Variants in LRRC8E observed in about 807,000 individuals in gnomAD.
The protein encoded by LRRC8E is leucine rich repeat containing 8 VRAC subunit E.
In LRRC8E, 6 loss-of-function variants were observed where a neutral mutation model predicts 6.1. The ratio of observed to expected loss-of-function variants is 0.98; its 90% confidence interval spans 0.54 to 1.93. LRRC8E has a LOEUF of 1.93. Ranked by LOEUF, LRRC8E falls within the 30% of genes most tolerant of loss-of-function variation. The pLI, the probability that LRRC8E is intolerant of heterozygous loss-of-function variation, is 0.01. For synonymous variants in LRRC8E, 485 were observed against 472.8 expected (o/e 1.03, Z -0.33); for missense variants, 1,028 against 1,031.4 (o/e 1.00, Z 0.04).
In LRRC8E at chr19:7,900,668, G is replaced by A. The variant is rs143929569; in HGVS notation, c.2146G>A (p.Glu716Lys). Residue 716 changes from glutamate to lysine, a missense_variant, in exon 3 of 3, where the codon GAA (glutamate) becomes AAA (lysine). Coordinates refer to ENST00000306708, the MANE Select transcript of LRRC8E (RefSeq NM_025061.6). The surrounding 1 kb of genome is among the most constrained non-coding windows in gnomAD (Gnocchi z 5.0). ...LSYNALEALP[E>K]ELFFCRKLRT... ...CTACAATGCCCTGGAGGCCCTGCCC[G>A]AAGAGCTCTTCTTCTGCCGCAAGCT... 1.1e-3 allele frequency: 1,815 copies of A among 1,613,422 alleles called. 27 individuals carry two copies. Among genetic ancestry groups the A allele is most frequent in the Non-Finnish European group, 1.2e-4 (144 of 1,180,034 alleles).
chr19:7,897,819 G>A (rs1436183068), intron 2 of LRRC8E, among the ~76,000 whole-genome samples: 1 of 152,012 alleles, frequency 6.6e-6, no homozygotes, highest in Non-Finnish European at 1.5e-5. Flanking sequence ...GGAGCCGCCT[G>A]ACCCAGCTCA....
Position 7,895,660 on chromosome 19 carries a change from G to A in LRRC8E, c.57G>A (p.Val19=), listed in dbSNP as rs143317661. The A allele has an allele frequency of 5.9e-4, 945 of 1,614,032 alleles. 1 individual carries two copies. The highest frequency in any genetic ancestry group is 7.8e-4 in the Non-Finnish European group (918 of 1,179,990). Residue 19 remains valine (V), a synonymous_variant, in exon 2 of 3, where the codon GTG becomes GTA. Transcript: ENST00000306708. The surrounding 1 kb of genome is among the most constrained non-coding windows in gnomAD (Gnocchi z 4.7). The stretch of plus-strand genomic sequence containing the variant: ...CGGAACAGCAGCCTGCGTTCAAGGT[G>A]CTCAAACCCTGGTGGGACGTGCTGG... ...QFTEQQPAFK[V]LKPWWDVLAE... is the part of the protein sequence containing the mutation.
intron 1 of LRRC8E, among the ~76,000 whole-genome samples, chr19:7,892,174 G>A (rs975176204): frequency 4.6e-5 from 7 of 151,756 alleles, no homozygotes; most frequent in East Asian, 1.9e-4. Flanking sequence ...CCAGGTTCAC[G>A]CCATTCTCCT....
intron 1 of LRRC8E, among the ~76,000 whole-genome samples, chr19:7,889,190 G>A (rs975000947): frequency 1.3e-5 from 2 of 152,170 alleles, no homozygotes; most frequent in East Asian, 1.9e-4. Flanking sequence ...CGTGCCTTAC[G>A]TCTATAATCC....
Position 7,899,381 on chromosome 19 carries a change from A to G in LRRC8E, c.859A>G (p.Arg287Gly). The change falls in exon 3 of 3, where the codon AGG becomes GGG. Residue 287 changes from arginine (R) to glycine (G), a missense_variant. Physicochemically the swap from Arg to Gly is moderately radical, Grantham distance 125. Transcript: ENST00000306708. ...GAAGATCAGTTTCCTGGTGGCCTGT[A>G]GGGTGGAGACGTCAGAGGTCACGGG... is the stretch of plus-strand genomic sequence containing the variant. ...VEKISFLVAC[R>G]VETSEVTGYA... is the part of the protein sequence containing the mutation. 1 of 1,614,154 alleles carries G rather than the reference A, an allele frequency of 6.2e-7. No individual in the cohort carries two copies. Among genetic ancestry groups the G allele is most frequent in the Non-Finnish European group, 8.5e-7 (1 of 1,180,018 alleles).
rs781106170 is a variant in LRRC8E at position 7,899,391 on chromosome 19, C to T, written c.869C>T (p.Thr290Met). 52 of 1,614,182 alleles carry T rather than the reference C, an allele frequency of 3.2e-5. No individual in the cohort carries two copies. In the African/African-American group the frequency reaches 3.9e-4, roughly 12 times the overall value. ...ISFLVACRVETSEVTGYASFC... is the reference protein window; with the variant it reads ...ISFLVACRVEMSEVTGYASFC... The stretch of plus-strand genomic sequence containing the variant: ...TTCCTGGTGGCCTGTAGGGTGGAGA[C>T]GTCAGAGGTCACGGGCTACGCCAGC... The change falls in exon 3 of 3, where the codon ACG (threonine) becomes ATG (methionine). Residue 290 changes from threonine (T) to methionine (M), a missense_variant. Coordinates refer to ENST00000306708, the MANE Select transcript of LRRC8E (RefSeq NM_025061.6).
At chr19:7,889,214 G>A (rs1286004917) in intron 1 of LRRC8E, among the ~76,000 whole-genome samples, 1 of 152,096 alleles carries the variant, frequency 6.6e-6, no homozygotes, top group South Asian at 2.1e-4. Flanking sequence ...CACTTTGGGA[G>A]GCCGAGGTGG....
In LRRC8E at chr19:7,895,262, C is replaced by A. The variant is rs138041635; in HGVS notation, c.-5-337C>A. Reference sequence around the variant, plus strand: ...TGGTGTCAGGGGTGGGAGAGGGATGCCTCGTTTTGGGGAGGGGGCCACCCG... The same window carrying A: ...TGGTGTCAGGGGTGGGAGAGGGATGACTCGTTTTGGGGAGGGGGCCACCCG... On this transcript the variant is annotated intron_variant, in intron 1 of 2. Coordinates refer to ENST00000306708, the MANE Select transcript of LRRC8E (RefSeq NM_025061.6). The surrounding 1 kb of genome is among the most constrained non-coding windows in gnomAD (Gnocchi z 4.7). 4.2e-6 allele frequency: 1 copy of A among 237,030 alleles called. No individual in the cohort carries two copies. Among genetic ancestry groups the A allele is most frequent in the Non-Finnish European group, 8.5e-6 (1 of 117,568 alleles). 14.7% of individuals were successfully genotyped at this position (237,030 alleles called of 1,614,324 possible). A position where few individuals can be genotyped will look rare whatever the true frequency, so the allele number is the denominator to read the frequency against.
At position 7,899,874 on chromosome 19, in the gene LRRC8E, C is replaced by A. The variant is rs1307194962; in HGVS notation, c.1352C>A (p.Thr451Asn). Residue 451 changes from threonine to asparagine, a missense_variant, in exon 3 of 3, where the codon ACC (threonine) becomes AAC (asparagine). Coordinates refer to ENST00000306708, the MANE Select transcript of LRRC8E (RefSeq NM_025061.6). ...AGGCTGGAGGCCATCTGCGATATCA[C>A]CTTCCCCCCGGGGCTGTCACAGCTG... ...SLRLEAICDI[T>N]FPPGLSQLVH... The A allele has an allele frequency of 5.0e-6, 8 of 1,606,724 alleles. No homozygotes were observed. Among genetic ancestry groups the A allele is most frequent in the Non-Finnish European group, 6.8e-6 (8 of 1,179,976 alleles).
rs199573072 is a variant in LRRC8E, at chr19:7,899,151, C to G, written c.629C>G (p.Pro210Arg). ...EGEKEKVLAE[P>R]EKVVTEPPVV... is the part of the protein sequence containing the mutation. ...GAGAAGGAGAAAGTGCTGGCGGAAC[C>G]GGAGAAGGTGGTGACCGAGCCTCCA... The change falls in exon 3 of 3, where the codon CCG becomes CGG. Residue 210 changes from proline to arginine, a missense_variant. By Grantham distance (103) the Pro-to-Arg change is moderately radical. Coordinates refer to ENST00000306708, the MANE Select transcript of LRRC8E (RefSeq NM_025061.6). 2.5e-6 allele frequency: 4 copies of G among 1,613,664 alleles called. No homozygotes were observed. The Admixed American group carries it at 6.7e-5, about 27-fold the overall frequency.
Position 7,899,410 on chromosome 19 carries a change from C to T in LRRC8E, c.888C>T (p.Tyr296=), listed in dbSNP as rs534606551. Residue 296 remains tyrosine (Y), a synonymous_variant, in exon 3 of 3, where the codon TAC becomes TAT. Coordinates refer to ENST00000306708, the MANE Select transcript of LRRC8E (RefSeq NM_025061.6). Reference sequence around the variant, plus strand: ...TGGAGACGTCAGAGGTCACGGGCTACGCCAGCTTCTGCTGCAACCACACCA... The same window carrying T: ...TGGAGACGTCAGAGGTCACGGGCTATGCCAGCTTCTGCTGCAACCACACCA... The part of the protein sequence containing the change: ...CRVETSEVTG[Y]ASFCCNHTKA... 119 of 1,614,188 alleles carry T rather than the reference C, an allele frequency of 7.4e-5. No individual in the cohort carries two copies. In the South Asian group the frequency reaches 1.2e-3, roughly 16 times the overall value.
chr19:7,899,296 G>A lies in LRRC8E; in HGVS notation c.774G>A (p.Gln258=), dbSNP rs2145112363. Residue 258 remains glutamine (Q), a synonymous_variant, in exon 3 of 3, where the codon CAG becomes CAA. Transcript: ENST00000306708. ...TCCTGTACACCATGTACATCCGACA[G>A]ACGGTGCTGAAAGTGTGTAAGTTCC... The part of the protein sequence containing the change: ...GDILYTMYIR[Q]TVLKVCKFLA... The A allele has an allele frequency of 3.1e-6, 5 of 1,614,250 alleles. No homozygotes were observed. The highest frequency in any genetic ancestry group is 4.5e-5 in the East Asian group (2 of 44,894).
At chr19:7,896,697 G>A (rs975414508) in intron 2 of LRRC8E, among the ~76,000 whole-genome samples, 1 of 152,142 alleles carries the variant, frequency 6.6e-6, no homozygotes, top group African/African-American at 2.4e-5. Context: ...GGACTCAAGT[G>A]ATCTTCCCGC....
At chr19:7,889,902 A>G (rs978468499) in intron 1 of LRRC8E, among the ~76,000 whole-genome samples, 1 of 151,862 alleles carries the variant, frequency 6.6e-6, no homozygotes, top group South Asian at 2.1e-4. Flanking sequence ...AGCATGTGGC[A>G]CCATACCCAG....
chr19:7,899,450 T>C lies in LRRC8E; in HGVS notation c.928T>C (p.Ser310Pro). 1 of 1,614,120 alleles carries C rather than the reference T, an allele frequency of 6.2e-7. No homozygotes were observed. Among genetic ancestry groups the C allele is most frequent in the South Asian group, 1.1e-5 (1 of 91,078 alleles). The change falls in exon 3 of 3, where the codon TCC (serine) becomes CCC (proline). Residue 310 changes from serine to proline, a missense_variant. By Grantham distance (74) the Ser-to-Pro change is moderately conservative. Coordinates refer to ENST00000306708, the MANE Select transcript of LRRC8E (RefSeq NM_025061.6). Reference protein sequence around the residue: ...CCNHTKAHLFSKLAFCYISFV... With the variant: ...CCNHTKAHLFPKLAFCYISFV... ...CAACCACACCAAGGCCCACCTCTTC[T>C]CCAAGCTGGCCTTCTGTTACATCTC...
In LRRC8E at chr19:7,898,744, T is replaced by G. The variant is rs1460729260; in HGVS notation, c.222T>G (p.Pro74=). The change falls in exon 3 of 3, where the codon CCT becomes CCG. Residue 74 remains proline (P), a synonymous_variant. Coordinates refer to ENST00000306708, the MANE Select transcript of LRRC8E (RefSeq NM_025061.6). Reference sequence around the variant, plus strand: ...AGGCCCCGTGCCAGCAATTGCTGCCTCGGGGGATCCCTGAGCAGATTGGGG... The same window carrying G: ...AGGCCCCGTGCCAGCAATTGCTGCCGCGGGGGATCCCTGAGCAGATTGGGG... ...LSEAPCQQLL[P]RGIPEQIGAL... is the part of the protein sequence containing the mutation. The G allele has an allele frequency of 6.2e-7, 1 of 1,613,944 alleles. No homozygotes were observed. The highest frequency in any genetic ancestry group is 8.5e-7 in the Non-Finnish European group (1 of 1,180,012).
rs745904560 is a variant in LRRC8E at position 7,895,573 on chromosome 19, ACCC to A, written c.-5-22_-5-20del. The A allele has an allele frequency of 1.2e-6, 2 of 1,601,288 alleles. No individual in the cohort carries two copies. Among genetic ancestry groups the A allele is most frequent in the African/African-American group, 2.7e-5 (2 of 74,376 alleles). ...TCCCATCCTGAGGGTCTCTCTCTAC[ACCC>A]CCCGTCTCGTCCCGTCCCACAGGCA... On this transcript the variant is annotated intron_variant, in intron 1 of 2. Transcript: ENST00000306708. The surrounding 1 kb of genome is among the most constrained non-coding windows in gnomAD (Gnocchi z 4.7).
chr19:7,890,247 G>A (rs1473529289), intron 1 of LRRC8E, among the ~76,000 whole-genome samples: 2 of 152,162 alleles, frequency 1.3e-5, no homozygotes, highest in Non-Finnish European at 2.9e-5. Context: ...AGGAGGACCT[G>A]GGAGGGAGGA....
rs1398280411 is a variant in LRRC8E, at chr19:7,895,737, T to G, written c.134T>G (p.Leu45Arg). Residue 45 changes from leucine to arginine, a missense_variant, in exon 2 of 3, where the codon CTC becomes CGC. Physicochemically the swap from Leu to Arg is moderately radical, Grantham distance 102 (BLOSUM62 -2). Transcript: ENST00000306708. The surrounding 1 kb of genome is among the most constrained non-coding windows in gnomAD (Gnocchi z 4.7). ...MLMIGVFGCT[L>R]QVTQDKIICL... ...ATGATTGGGGTCTTTGGCTGCACCC[T>G]CCAGGTGAGGCCCTCCCCTGGCAAG... 1 of 1,612,892 alleles carries G rather than the reference T, an allele frequency of 6.2e-7. No individual in the cohort carries two copies. Among genetic ancestry groups the G allele is most frequent in the East Asian group, 2.2e-5 (1 of 44,812 alleles).
Sources: gnomAD v4.1 joint callset for allele counts (sites outside exome capture counted in the v4.1 genomes callset) on GRCh38, gnomAD v4.1.1 for gene constraint, Gnocchi (gnomAD v3.1) non-coding constraint, MANE v1.5 for transcripts, NCBI Gene and HGNC (gene_info 2026-07-23, HGNC 2026-07-21) for gene names.